The following ADSS2 variants were observed in gnomAD, a reference collection of about 807,000 sequenced individuals.
ADSS2 encodes the protein adenylosuccinate synthase 2, also known as adenylosuccinate synthetase isozyme 2.
ADSS2 carries 30 observed loss-of-function variants against 60.0 expected under a neutral mutation model. That is an observed-to-expected ratio of 0.50 (90% confidence interval 0.37 to 0.68). ADSS2 has a LOEUF of 0.68. ADSS2 is among the 30% of genes least tolerant of loss of function. The probability of loss-of-function intolerance (pLI) is 0.00; values close to 1 mark genes in which losing one functional copy is unlikely to be tolerated. For missense variants in ADSS2, 373 were observed against 554.8 expected, an observed-to-expected ratio of 0.67 and a Z score of 3.29; for synonymous variants, 187 against 193.1, an observed-to-expected ratio of 0.97 and a Z score of 0.26.
intron 11 of ADSS2, among the ~76,000 whole-genome samples, chr1:244,413,505 C>T (rs962387876): frequency 6.6e-6 from 1 of 152,222 alleles, no homozygotes; most frequent in Non-Finnish European, 1.5e-5. Flanking sequence ...GGACCATTTC[C>T]TGACCACAGT....
intron 1 of ADSS2, among the ~76,000 whole-genome samples, chr1:244,445,671 G>C (rs902683957): frequency 2.6e-5 from 4 of 151,708 alleles, no homozygotes; most frequent in Middle Eastern, 3.2e-3. Flanking sequence ...AGTTTGGAAA[G>C]GAATTAAATG....
intron 8 of ADSS2, among the ~76,000 whole-genome samples, chr1:244,419,661 G>T (rs1249129691): frequency 2.0e-5 from 3 of 152,070 alleles, no homozygotes; most frequent in Non-Finnish European, 4.4e-5. Context: ...TAAATGAAAC[G>T]GTCAACAAAC....
rs1664365324 is a variant in ADSS2 at position 244,409,578 on chromosome 1, G to A, written c.*8C>T. ...CTCAAGGAGTGTTTCTTGCATTACTGGCAATCATTAAAAGAGTTGAATCAT... is the reference window on the plus strand; with the variant it reads ...CTCAAGGAGTGTTTCTTGCATTACTAGCAATCATTAAAAGAGTTGAATCAT... On this transcript the variant is annotated 3_prime_UTR_variant, in exon 13 of 13. Transcript: ENST00000366535. 6.2e-7 allele frequency: 1 copy of A among 1,601,136 alleles called. No homozygotes were observed. Among genetic ancestry groups the A allele is most frequent in the Admixed American group, 1.7e-5 (1 of 59,690 alleles).
At chr1:244,450,210 T>C (rs1369412315) in intron 1 of ADSS2, among the ~76,000 whole-genome samples, 1 of 152,228 alleles carries the variant, frequency 6.6e-6, no homozygotes, top group Non-Finnish European at 1.5e-5. Context: ...GCTGGATTTC[T>C]GGAGTATTTC....
chr1:244,441,353 C>T (rs943735443), intron 1 of ADSS2, among the ~76,000 whole-genome samples: 4 of 152,278 alleles, frequency 2.6e-5, no homozygotes, highest in African/African-American at 7.2e-5. Context: ...CCACTGCGCC[C>T]GGCCAACTTA....
At chr1:244,433,977 C>A (rs954708082) in intron 3 of ADSS2, among the ~76,000 whole-genome samples, 1 of 151,926 alleles carries the variant, frequency 6.6e-6, no homozygotes, top group Non-Finnish European at 1.5e-5. Flanking sequence ...ATCTGTCCCC[C>A]CATTTAACTG....
At chr1:244,451,909 GGAA>G (rs1348617643), upstream of ADSS2, 30 of 1,317,956 alleles carry the variant, frequency 2.3e-5, no homozygotes, top group African/African-American at 7.7e-5. This position sits in a 1 kb window ranked among gnomAD's most constrained non-coding sequence, Gnocchi z 6.6. Context: ...CACATGCAGA[GGAA>G]GAAGGAGCCA....
intron 6 of ADSS2, among the ~76,000 whole-genome samples, chr1:244,423,424 T>C (rs1487634527): frequency 6.6e-6 from 1 of 152,224 alleles, no homozygotes; most frequent in Non-Finnish European, 1.5e-5. Flanking sequence ...ACCAACTCCC[T>C]ATCATTGAGT....
intron 1 of ADSS2, among the ~76,000 whole-genome samples, chr1:244,448,224 T>C (rs1665442576): frequency 6.6e-6 from 1 of 152,222 alleles, no homozygotes; most frequent in Non-Finnish European, 1.5e-5. Flanking sequence ...TAACGTTATT[T>C]TCTTTTAAAT....
At chr1:244,420,024 G>A in intron 8 of ADSS2, 146 bp downstream of exon 8, 1 of 744,120 alleles carries the variant, frequency 1.3e-6, no homozygotes, top group Non-Finnish European at 2.1e-6. Context: ...TAAAAAGAGT[G>A]CCACAAGATG....
At chr1:244,442,701 G>C (rs748886916) in intron 1 of ADSS2, among the ~76,000 whole-genome samples, 10 of 152,120 alleles carry the variant, frequency 6.6e-5, no homozygotes, top group Non-Finnish European at 1.3e-4. Flanking sequence ...TGCTCATAAG[G>C]AGTTTCTTGA....
chr1:244,435,546 C>A (rs1312066770), intron 3 of ADSS2, among the ~76,000 whole-genome samples: 1 of 151,874 alleles, frequency 6.6e-6, no homozygotes, highest in African/African-American at 2.4e-5. Flanking sequence ...CCTTCATCCT[C>A]CTCCTCTACC....
intron 1 of ADSS2, among the ~76,000 whole-genome samples, chr1:244,449,915 C>T (rs1182323673): frequency 6.6e-6 from 1 of 152,186 alleles, no homozygotes; most frequent in Non-Finnish European, 1.5e-5. Context: ...ATTAGTAACA[C>T]CTTCTCCAAG....
chr1:244,428,015 C>T (rs990323875), intron 4 of ADSS2, among the ~76,000 whole-genome samples: 2 of 152,130 alleles, frequency 1.3e-5, no homozygotes, highest in African/African-American at 4.8e-5. Flanking sequence ...ACAGACAAAT[C>T]CACAATTACT....
At chr1:244,413,641 A>C (rs1664466036) in intron 11 of ADSS2, among the ~76,000 whole-genome samples, 1 of 152,184 alleles carries the variant, frequency 6.6e-6, no homozygotes, top group Non-Finnish European at 1.5e-5. Context: ...TGTAGAGAGA[A>C]GGGCCCCCCA....
At chr1:244,424,548 C>T (rs1211583932) in intron 4 of ADSS2, 161 bp from the exon 5 acceptor site, 2 of 555,142 alleles carry the variant, frequency 3.6e-6, no homozygotes, top group South Asian at 2.5e-5. Flanking sequence ...ATAACACCAA[C>T]TAGTACATTA....
rs140210833 is a variant in ADSS2, at chr1:244,418,951, C to T, written c.791-37G>A. 64 of 1,499,184 alleles carry T rather than the reference C, an allele frequency of 4.3e-5. No homozygotes were observed. In the Middle Eastern group the frequency reaches 1.6e-3, roughly 37 times the overall value. 92.9% of individuals were successfully genotyped at this position (1,499,184 alleles called of 1,614,324 possible). ...AACAGACATTAAAATATAGTAGACA[C>T]ATGAATAACACATTTTAAAACAGAA... On this transcript the variant is annotated intron_variant, in intron 8 of 12. Coordinates refer to ENST00000366535, the MANE Select transcript of ADSS2 (RefSeq NM_001126.5).
At chr1:244,420,899 C>T (rs868109015) in intron 7 of ADSS2, among the ~76,000 whole-genome samples, 1 of 151,742 alleles carries the variant, frequency 6.6e-6, no homozygotes, top group African/African-American at 2.4e-5. Flanking sequence ...GGTGAGTTGC[C>T]CAGGTTGCCC....
At position 244,409,655 on chromosome 1, in the gene ADSS2, A is replaced by G; in HGVS notation, c.1319-17T>C. On this transcript the variant is annotated splice_polypyrimidine_tract_variant and intron_variant, in intron 12 of 12. Transcript: ENST00000366535. ...TCCACTTAACTAGGAGAATACAAAG[A>G]GAAAAGGAATTGAATCAATTCATCT... The G allele has an allele frequency of 6.3e-7, 1 of 1,588,218 alleles. No individual in the cohort carries two copies. The highest frequency in any genetic ancestry group is 8.6e-7 in the Non-Finnish European group (1 of 1,158,176).
Sources: allele counts gnomAD v4.1 joint callset (sites outside exome capture counted in the v4.1 genomes callset), GRCh38; gene constraint gnomAD v4.1.1; non-coding constraint Gnocchi (gnomAD v3.1); transcripts MANE v1.5; gene names NCBI Gene and HGNC (gene_info 2026-07-23, HGNC 2026-07-21).